Variants in NIBAN1 observed in about 807,000 individuals in gnomAD.
NIBAN1 encodes the protein protein Niban 1.
A neutral mutation model predicts 75.1 loss-of-function variants in NIBAN1; 81 were observed. The ratio of observed to expected loss-of-function variants is 1.08; its 90% CI spans 0.90 to 1.30. The LOEUF is 1.30. Ranked by LOEUF, NIBAN1 falls within the 50% of genes most tolerant of loss-of-function variation. The probability of loss-of-function intolerance (pLI) is 0.00; values close to 1 mark genes in which losing one functional copy is unlikely to be tolerated. For missense variants in NIBAN1, 1,133 were observed against 1,128.1 expected, an observed-to-expected ratio of 1.00 and a Z score of -0.06; for synonymous variants, 436 against 424.8, an observed-to-expected ratio of 1.03 and a Z score of -0.32.
intron 12 of NIBAN1, among the ~76,000 whole-genome samples, chr1:184,802,420 C>G (rs1178806307): frequency 6.6e-6 from 1 of 152,192 alleles, no homozygotes; most frequent in African/African-American, 2.4e-5. Flanking sequence ...AGCAGAACAT[C>G]TGTGTGCAAA....
Position 184,951,985 on chromosome 1 carries a change from T to C in NIBAN1, c.55+22317A>G, listed in dbSNP as rs527712983. Among the ~76,000 whole-genome samples, 3 of 152,352 alleles carry C rather than the reference T, an allele frequency of 2.0e-5. No homozygotes were observed. The South Asian group carries it at 6.2e-4, about 32-fold the overall frequency. On this transcript the variant is annotated intron_variant, in intron 1 of 13. Coordinates refer to ENST00000367511, the MANE Select transcript of NIBAN1 (RefSeq NM_052966.4). ...TTTTATTTCTCCCTACCACCACCTC[T>C]ATGATGTAAGTCCCATGAGAGCAGG...
At chr1:184,956,551 C>A (rs1178498233) in intron 1 of NIBAN1, among the ~76,000 whole-genome samples, 1 of 152,164 alleles carries the variant, frequency 6.6e-6, no homozygotes, top group African/African-American at 2.4e-5. Flanking sequence ...TGCTGCATAT[C>A]TTAGAATAGC....
chr1:184,798,133 C>T lies in NIBAN1; in HGVS notation c.1612G>A (p.Glu538Lys). ...TGTAAAATCTCCTCATAGACATTTTCAACGTGAATCATATTGGTATGATCT... is the reference window on the plus strand; with the variant it reads ...TGTAAAATCTCCTCATAGACATTTTTAACGTGAATCATATTGGTATGATCT... ...FADHTNMIHV[E>K]NVYEEILHQI... The change falls in exon 13 of 14, where the codon GAA (glutamate) becomes AAA (lysine). Residue 538 changes from glutamate to lysine, a missense_variant. Physicochemically the swap from Glu to Lys is moderately conservative, Grantham distance 56. Coordinates refer to ENST00000367511, the MANE Select transcript of NIBAN1 (RefSeq NM_052966.4). The T allele has an allele frequency of 6.2e-7, 1 of 1,612,024 alleles. No homozygotes were observed. The highest frequency in any genetic ancestry group is 8.5e-7 in the Non-Finnish European group (1 of 1,178,528).
At chr1:184,905,219 C>A (rs1657061118) in intron 1 of NIBAN1, among the ~76,000 whole-genome samples, 1 of 151,964 alleles carries the variant, frequency 6.6e-6, no homozygotes, top group African/African-American at 2.4e-5. Flanking sequence ...TGGTCCCACT[C>A]AAAGGTAGCA....
intron 11 of NIBAN1, among the ~76,000 whole-genome samples, 166 bp from the exon 12 acceptor site, chr1:184,803,858 A>G (rs1241868492): frequency 6.6e-6 from 1 of 152,222 alleles, no homozygotes; most frequent in Non-Finnish European, 1.5e-5. Flanking sequence ...CTCACACTGC[A>G]GGCACAGGTT....
intron 12 of NIBAN1, among the ~76,000 whole-genome samples, chr1:184,802,554 T>C (rs1483490355): frequency 1.3e-5 from 2 of 152,110 alleles, no homozygotes; most frequent in Admixed American, 6.6e-5. Flanking sequence ...CACAAATAAA[T>C]GCCAAATATA....
At chr1:184,801,970 G>A (rs1654057910) in intron 12 of NIBAN1, among the ~76,000 whole-genome samples, 1 of 152,190 alleles carries the variant, frequency 6.6e-6, no homozygotes, top group Non-Finnish European at 1.5e-5. Context: ...TCTGAAGGTA[G>A]GTGTTGGGGA....
intron 1 of NIBAN1, among the ~76,000 whole-genome samples, chr1:184,924,763 G>T (rs969969686): frequency 6.6e-6 from 1 of 152,090 alleles, no homozygotes; most frequent in Non-Finnish European, 1.5e-5. Flanking sequence ...ATATTGGTAG[G>T]TTGTAGGTAT....
In NIBAN1 at chr1:184,806,050, C is replaced by G. The variant is rs760447281; in HGVS notation, c.1342G>C (p.Glu448Gln). ...TGCTCAAAAGTGAACACTGCATTCT[C>G]CATTAGCTAGAAACCAGAAGCGACA... Reference protein sequence around the residue: ...RTQNYMQELMENAVFTFEQLL... With the variant: ...RTQNYMQELMQNAVFTFEQLL... The change falls in exon 11 of 14, where the codon GAG (glutamate) becomes CAG (glutamine). Residue 448 changes from glutamate to glutamine, a missense_variant. By Grantham distance (29) the Glu-to-Gln change is conservative (BLOSUM62 2). Transcript: ENST00000367511. 80 of 1,613,520 alleles carry G rather than the reference C, an allele frequency of 5.0e-5. No individual in the cohort carries two copies. The highest frequency in any genetic ancestry group is 6.6e-5 in the Non-Finnish European group (78 of 1,179,752).
rs542445281 is a variant in NIBAN1, at chr1:184,803,812, A to T, written c.1447-120T>A. 2.0e-5 allele frequency: 15 copies of T among 757,236 alleles called. 1 individual carries two copies. The African/African-American group carries it at 2.1e-4, about 10-fold the overall frequency. 46.9% of individuals were successfully genotyped at this position (757,236 alleles called of 1,614,324 possible). ...CCTCCTAATGTCTGAGAACTCTTGT[A>T]TTTCCAAGGCCTCAGAGATCTTTCC... On this transcript the variant is annotated intron_variant, in intron 11 of 13. Coordinates refer to ENST00000367511, the MANE Select transcript of NIBAN1 (RefSeq NM_052966.4).
chr1:184,897,280 G>A (rs1656825114), intron 2 of NIBAN1, among the ~76,000 whole-genome samples: 1 of 48,084 alleles, frequency 2.1e-5, no homozygotes, highest in Admixed American at 1.8e-4. Flanking sequence ...ACTCCTAAGT[G>A]TGTGTGTGTG....
chr1:184,811,838 T>C (rs1654390489), intron 9 of NIBAN1, among the ~76,000 whole-genome samples: 1 of 152,200 alleles, frequency 6.6e-6, no homozygotes, highest in African/African-American at 2.4e-5. Context: ...AAAGTCCCTT[T>C]TGGCTAGGAA....
intron 1 of NIBAN1, among the ~76,000 whole-genome samples, chr1:184,966,501 T>C (rs1256996303): frequency 2.0e-5 from 3 of 152,154 alleles, no homozygotes; most frequent in Non-Finnish European, 2.9e-5. Context: ...TTCAGCAGAA[T>C]TGTGAGCAAA....
chr1:184,885,695 C>T (rs1656507582), intron 4 of NIBAN1, among the ~76,000 whole-genome samples: 2 of 152,208 alleles, frequency 1.3e-5, no homozygotes, highest in East Asian at 1.9e-4. Flanking sequence ...CAACCTTATT[C>T]TCACCTCAGT....
At chr1:184,958,789 C>A (rs747031868) in intron 1 of NIBAN1, among the ~76,000 whole-genome samples, 9 of 152,164 alleles carry the variant, frequency 5.9e-5, no homozygotes, top group Non-Finnish European at 1.2e-4. Context: ...AAATGTAAAC[C>A]ATACATTTCA....
At chr1:184,832,089 A>C in intron 5 of NIBAN1, 127 bp from the exon 6 acceptor site, 1 of 685,366 alleles carries the variant, frequency 1.5e-6, no homozygotes, top group Non-Finnish European at 2.5e-6. Flanking sequence ...TATAAGACAC[A>C]GAGAAAGTTA....
At chr1:184,853,873 G>A (rs1305618783) in intron 5 of NIBAN1, among the ~76,000 whole-genome samples, 1 of 152,122 alleles carries the variant, frequency 6.6e-6, no homozygotes, top group Non-Finnish European at 1.5e-5. Context: ...TTCCCATTAA[G>A]ACTCTAGACT....
intron 5 of NIBAN1, among the ~76,000 whole-genome samples, chr1:184,877,394 A>AT (rs1294368760): frequency 6.6e-6 from 1 of 152,164 alleles, no homozygotes; most frequent in African/African-American, 2.4e-5. Context: ...GGAAAGACAC[A>AT]TAAGAAATTT....
chr1:184,852,434 C>A (rs1207209240), intron 5 of NIBAN1, among the ~76,000 whole-genome samples: 3 of 152,192 alleles, frequency 2.0e-5, no homozygotes, highest in Non-Finnish European at 4.4e-5. Flanking sequence ...CTAGAATGTC[C>A]TTATGGACAA....
Sources: gnomAD v4.1 joint callset for allele counts (sites outside exome capture counted in the v4.1 genomes callset) on GRCh38, gnomAD v4.1.1 for gene constraint, MANE v1.5 for transcripts, NCBI Gene and HGNC (gene_info 2026-07-23, HGNC 2026-07-21) for gene names.